GALNT13: variants seen among roughly 807,000 people sequenced by gnomAD.
GALNT13 encodes UDP-GalNAc:polypeptide N-acetylgalactosaminyltransferase 13.
Under a neutral mutation model 64.2 loss-of-function variants are expected in GALNT13, and 28 were observed. The observed-to-expected ratio is 0.44, with a 90% CI of 0.32 to 0.60. The LOEUF is 0.60. Ranked by LOEUF, GALNT13 falls within the 20% of genes least tolerant of loss-of-function variation. The pLI is 0.05. For missense variants in GALNT13, 577 were observed against 669.8 expected (o/e 0.86, Z 1.53); for synonymous variants, 214 against 224.6 (o/e 0.95, Z 0.42).
intron 3 of GALNT13, among the ~76,000 whole-genome samples, chr2:153,965,083 TTTTACATA>T (rs1399382514): frequency 6.6e-6 from 1 of 152,244 alleles, no homozygotes; most frequent in South Asian, 2.1e-4. Context: ...TACATAACAG[TTTTACATA>T]TTTATGAGGT....
the GALNT13 span, among the ~76,000 whole-genome samples, chr2:153,160,312 G>T: frequency 6.6e-6 from 1 of 152,132 alleles, no homozygotes; most frequent in Non-Finnish European, 1.5e-5. Context: ...CAGCAGGGTC[G>T]CATATTCCAG....
chr2:154,373,247 A>C (rs1017097497), intron 9 of GALNT13, among the ~76,000 whole-genome samples: 1 of 152,152 alleles, frequency 6.6e-6, no homozygotes, highest in South Asian at 2.1e-4. Context: ...TAAAAAGAAA[A>C]AATACATTGA....
chr2:153,175,647 G>T, the GALNT13 span, among the ~76,000 whole-genome samples: 1 of 152,092 alleles, frequency 6.6e-6, no homozygotes, highest in Non-Finnish European at 1.5e-5. Flanking sequence ...AATGTAGTTT[G>T]TATACTTCTG....
At chr2:153,367,348 G>A in the GALNT13 span, among the ~76,000 whole-genome samples, 12 of 152,064 alleles carry the variant, frequency 7.9e-5, no homozygotes, top group South Asian at 2.1e-4. Flanking sequence ...GACATGATTT[G>A]AAGGTAGACT....
intron 3 of GALNT13, among the ~76,000 whole-genome samples, chr2:154,065,682 A>G (rs1022221035): frequency 2.6e-5 from 4 of 152,198 alleles, no homozygotes; most frequent in African/African-American, 9.6e-5. Flanking sequence ...TAATGCAGAT[A>G]TGGCTGCAGT....
chr2:154,288,085 C>G (rs148601139), intron 8 of GALNT13, among the ~76,000 whole-genome samples: 1 of 152,110 alleles, frequency 6.6e-6, no homozygotes, highest in Admixed American at 6.5e-5. Context: ...ACTCACAGTT[C>G]CACATGACTG....
At chr2:153,081,401 A>G in the GALNT13 span, among the ~76,000 whole-genome samples, 5 of 152,164 alleles carry the variant, frequency 3.3e-5, no homozygotes, top group Admixed American at 1.3e-4. Context: ...TTTAAAATGT[A>G]TAATTAAGCT....
intron 3 of GALNT13, among the ~76,000 whole-genome samples, chr2:154,139,456 A>AACATTGGAAGAGTCGAG (rs1331842019): frequency 1.3e-5 from 2 of 151,994 alleles, no homozygotes; most frequent in African/African-American, 4.8e-5. Context: ...AATATAGCAG[A>AACATTGGAAGAGTCGAG]ACATTGGAAG....
chr2:153,478,664 C>T, the GALNT13 span: 4 of 1,001,352 alleles, frequency 4.0e-6, no homozygotes, highest in Non-Finnish European at 4.3e-6. Flanking sequence ...CACTCGCAGA[C>T]TAGCGCGTGC....
the GALNT13 span, among the ~76,000 whole-genome samples, chr2:153,150,393 A>T: frequency 2.0e-5 from 3 of 151,928 alleles, no homozygotes; most frequent in African/African-American, 7.3e-5. Flanking sequence ...AGTTGAGTAG[A>T]TTGCAACAAT....
chr2:153,718,085 A>G, the GALNT13 span, among the ~76,000 whole-genome samples: 1 of 152,198 alleles, frequency 6.6e-6, no homozygotes, highest in Admixed American at 6.5e-5. Flanking sequence ...TGTCAAAAAA[A>G]GATTCATTGG....
chr2:153,410,966 C>A, the GALNT13 span, among the ~76,000 whole-genome samples: 2 of 151,652 alleles, frequency 1.3e-5, no homozygotes, highest in African/African-American at 2.4e-5. Flanking sequence ...GTCTAATCAT[C>A]TCAAACCATC....
the GALNT13 span, among the ~76,000 whole-genome samples, chr2:153,382,560 T>C: frequency 1.3e-5 from 2 of 152,248 alleles, no homozygotes; most frequent in Non-Finnish European, 2.9e-5. Context: ...ACATTTTCTT[T>C]ATTCAGTTCT....
intron 4 of GALNT13, among the ~76,000 whole-genome samples, chr2:154,174,837 G>A (rs980433111): frequency 2.6e-5 from 4 of 152,124 alleles, no homozygotes; most frequent in South Asian, 2.1e-4. Context: ...ATATTATCAC[G>A]TTTTTCTAGC....
chr2:154,218,288 A>G (rs981676314), intron 4 of GALNT13, among the ~76,000 whole-genome samples: 1 of 152,108 alleles, frequency 6.6e-6, no homozygotes, highest in Non-Finnish European at 1.5e-5. Flanking sequence ...AGCCTTTGAC[A>G]GAGATGTGAC....
At chr2:154,077,332 T>C (rs1701040883) in intron 3 of GALNT13, among the ~76,000 whole-genome samples, 1 of 151,556 alleles carries the variant, frequency 6.6e-6, no homozygotes, top group Non-Finnish European at 1.5e-5. Flanking sequence ...TTTCCTTTGG[T>C]TTATGTCTAA....
At chr2:153,621,595 C>A in the GALNT13 span, among the ~76,000 whole-genome samples, 45 of 152,262 alleles carry the variant, frequency 3.0e-4, no homozygotes, top group Non-Finnish European at 5.4e-4. Context: ...TCAGAGACAA[C>A]AGTCAAAAAC....
intron 9 of GALNT13, among the ~76,000 whole-genome samples, chr2:154,362,429 C>CCT (rs1219447061): frequency 6.6e-6 from 1 of 151,812 alleles, no homozygotes; most frequent in African/African-American, 2.4e-5. Flanking sequence ...TTCATCTTTT[C>CCT]CTCTCTCTCT....
At chr2:153,521,439 T>A in the GALNT13 span, among the ~76,000 whole-genome samples, 3 of 152,174 alleles carry the variant, frequency 2.0e-5, no homozygotes, top group African/African-American at 7.2e-5. Context: ...TACAGAGATA[T>A]CTCATATATC....
Sources: gnomAD v4.1 joint callset for allele counts (sites outside exome capture counted in the v4.1 genomes callset) on GRCh38, gnomAD v4.1.1 for gene constraint, MANE v1.5 for transcripts, NCBI Gene and HGNC (gene_info 2026-07-23, HGNC 2026-07-21) for gene names.